Variants in BIRC6 observed in about 807,000 individuals in gnomAD.
BIRC6 encodes the protein baculoviral IAP repeat containing 6, also known as dual E2 ubiquitin-conjugating enzyme/E3 ubiquitin-protein ligase BIRC6.
In BIRC6, 98 loss-of-function variants were observed where a neutral mutation model predicts 503.3. The observed-to-expected ratio is 0.19, with a 90% CI of 0.17 to 0.23. BIRC6 has a LOEUF of 0.23. Ranked by LOEUF, BIRC6 falls within the 10% of genes least tolerant of loss-of-function variation. The pLI is 1.00. For missense variants in BIRC6, 5,360 were observed against 5,806.0 expected (o/e 0.92, Z 2.50); for synonymous variants, 2,240 against 2,078.7 (o/e 1.08, Z -2.11).
chr2:32,515,687 C>G lies in BIRC6; in HGVS notation c.11266C>G (p.Arg3756Gly), dbSNP rs367790330. The G allele has an allele frequency of 6.2e-7, 1 of 1,605,838 alleles. No individual in the cohort carries two copies. The highest frequency in any genetic ancestry group is 1.1e-5 in the South Asian group (1 of 91,090). The change falls in exon 55 of 74, where the codon CGC (arginine) becomes GGC (glycine). Residue 3756 changes from arginine to glycine, a missense_variant. Physicochemically the swap from Arg to Gly is moderately radical, Grantham distance 125. Around this residue, in one of 16 missense-constraint regions of BIRC6, gnomAD observed 878 missense variants for 928.9 expected, o/e 0.95. Coordinates refer to ENST00000421745, the MANE Select transcript of BIRC6 (RefSeq NM_016252.4). ...AATTGLTTQQ[R>G]TAIENATVAF... ...TACAACAGGACTGACTACTCAACAG[C>G]GCACAGCAATTGAGAATGCAACTGT...
In BIRC6 at chr2:32,510,534, A is replaced by T. The variant is rs1194943748; in HGVS notation, c.10246A>T (p.Ser3416Cys). The change falls in exon 53 of 74, where the codon AGT (serine) becomes TGT (cysteine). Residue 3416 changes from serine to cysteine, a missense_variant. Transcript: ENST00000421745. ...ASGSDPTDLN[S>C]PLLFGRLNGL... ...GGATTCTTTGTTGCAAGATTTGAAT[A>T]GTCCTTTACTTTTTGGAAGACTAAA... is the stretch of plus-strand genomic sequence containing the variant. The T allele has an allele frequency of 1.9e-6, 3 of 1,580,250 alleles. No individual in the cohort carries two copies. Among genetic ancestry groups the T allele is most frequent in the Admixed American group, 1.7e-5 (1 of 59,456 alleles).
At chr2:32,460,280 T>A (rs1441350588) in intron 23 of BIRC6, among the ~76,000 whole-genome samples, 244 of 74,470 alleles carry the variant, frequency 3.3e-3, no homozygotes, top group African/African-American at 8.1e-3. Context: ...ATATTTTTTT[T>A]TTTTTTTTTT....
In BIRC6 at chr2:32,505,009, A is replaced by C. The variant is rs1251266471; in HGVS notation, c.9504A>C (p.Thr3168=). ...TATGTAAAATATCTTCTCTAGGTAC[A>C]ATCACATCTAGCAGTCCTACTGCCC... ...EGIHNFAPLG[T]ITSSSPTAQP... Residue 3168 remains threonine, a synonymous_variant, in exon 50 of 74, where the codon ACA becomes ACC. Transcript: ENST00000421745. The C allele has an allele frequency of 4.3e-6, 7 of 1,612,738 alleles. No individual in the cohort carries two copies. The highest frequency in any genetic ancestry group is 2.2e-5 in the East Asian group (1 of 44,838).
intron 43 of BIRC6, among the ~76,000 whole-genome samples, chr2:32,491,204 G>A (rs1208656372): frequency 6.6e-6 from 1 of 152,116 alleles, no homozygotes; most frequent in Admixed American, 6.6e-5. Context: ...TGTACATTAA[G>A]CTCGAGGTGT....
At chr2:32,595,626 G>T (rs1375832190) in intron 68 of BIRC6, among the ~76,000 whole-genome samples, 1 of 152,128 alleles carries the variant, frequency 6.6e-6, no homozygotes, top group Non-Finnish European at 1.5e-5. Flanking sequence ...CCTTTATATG[G>T]TTCTGATTTA....
At chr2:32,565,901 C>A (rs1388754997) in intron 65 of BIRC6, 1 of 152,110 alleles carries the variant, frequency 6.6e-6, no homozygotes, top group African/African-American at 2.4e-5. Context: ...AGGTAACCAC[C>A]CCCATGATTC....
At chr2:32,602,888 G>T in intron 70 of BIRC6, 118 bp from the exon 71 acceptor site, 1 of 738,270 alleles carries the variant, frequency 1.4e-6, no homozygotes. Context: ...TTTTATCTAG[G>T]GGACATATAA....
At chr2:32,585,466 G>A (rs1162011314) in intron 66 of BIRC6, among the ~76,000 whole-genome samples, 1 of 150,876 alleles carries the variant, frequency 6.6e-6, no homozygotes, top group Non-Finnish European at 1.5e-5. Flanking sequence ...TGCAACCTCC[G>A]CCTCCCAGGT....
At position 32,508,046 on chromosome 2, in the gene BIRC6, C is replaced by T. The variant is rs1212242179; in HGVS notation, c.9767C>T (p.Pro3256Leu). ...DGVNMLPLST[P>L]VVTSGLTYIK... ...GTAAATATGCTACCTTTGTCCACTC[C>T]TGTTGTCACAAGTGGCCTCACCTAC... is the stretch of plus-strand genomic sequence containing the variant. The change falls in exon 51 of 74, where the codon CCT (proline) becomes CTT (leucine). Residue 3256 changes from proline to leucine, a missense_variant. By Grantham distance (98) the Pro-to-Leu change is moderately conservative. This residue lies in a region of BIRC6 where 62 missense variants were observed against 107.4 expected (regional missense o/e 0.58). Coordinates refer to ENST00000421745, the MANE Select transcript of BIRC6 (RefSeq NM_016252.4). 6.2e-7 allele frequency: 1 copy of T among 1,613,882 alleles called. No individual in the cohort carries two copies. Among genetic ancestry groups the T allele is most frequent in the East Asian group, 2.2e-5 (1 of 44,868 alleles).
At position 32,500,049 on chromosome 2, in the gene BIRC6, A is replaced by G; in HGVS notation, c.8971A>G (p.Met2991Val). Residue 2991 changes from methionine (M) to valine (V), a missense_variant, in exon 46 of 74, where the codon ATG (methionine) becomes GTG (valine). Around this residue, in one of 16 missense-constraint regions of BIRC6, gnomAD observed 2,299 missense variants for 2,267.2 expected, o/e 1.01. Coordinates refer to ENST00000421745, the MANE Select transcript of BIRC6 (RefSeq NM_016252.4). ...ADLVLANQQI[M>V]SQILSALGLC... Reference sequence around the variant, plus strand: ...CTTAGTCTTAGCCAACCAACAAATTATGAGCCAGATTTTGTCTGCTCTGGG... The same window carrying G: ...CTTAGTCTTAGCCAACCAACAAATTGTGAGCCAGATTTTGTCTGCTCTGGG... 2 of 1,613,938 alleles carry G rather than the reference A, an allele frequency of 1.2e-6. No individual in the cohort carries two copies. The highest frequency in any genetic ancestry group is 1.7e-6 in the Non-Finnish European group (2 of 1,179,862).
At chr2:32,485,961 A>G (rs908053466) in intron 40 of BIRC6, among the ~76,000 whole-genome samples, 1 of 152,212 alleles carries the variant, frequency 6.6e-6, no homozygotes, top group African/African-American at 2.4e-5. Flanking sequence ...GTATCATGCA[A>G]AATACTTCCA....
At chr2:32,549,202 T>G (rs1005656715) in intron 64 of BIRC6, 111 bp from the exon 65 acceptor site, 1 of 683,620 alleles carries the variant, frequency 1.5e-6, no homozygotes, top group Non-Finnish European at 2.2e-6. Flanking sequence ...TATAAGATAC[T>G]GATTAAGTAG....
chr2:32,482,867 G>A (rs2050563194), intron 39 of BIRC6, among the ~76,000 whole-genome samples: 1 of 150,982 alleles, frequency 6.6e-6, no homozygotes, highest in African/African-American at 2.4e-5. Flanking sequence ...TAGTAAACTT[G>A]TATTTTATTT....
chr2:32,470,964 G>T (rs887264814), intron 31 of BIRC6, 50 bp from the exon 32 acceptor site: 1 of 1,530,680 alleles, frequency 6.5e-7, no homozygotes, highest in Non-Finnish European at 8.8e-7. Flanking sequence ...ATCTAATTAG[G>T]AATCCTAAAG....
intron 66 of BIRC6, among the ~76,000 whole-genome samples, chr2:32,580,969 G>T (rs1255272795): frequency 6.6e-6 from 1 of 152,182 alleles, no homozygotes; most frequent in Non-Finnish European, 1.5e-5. Context: ...TAGCATAAAT[G>T]GATCTGGGAA....
intron 42 of BIRC6, among the ~76,000 whole-genome samples, chr2:32,489,233 A>G (rs1453654620): frequency 1.3e-5 from 2 of 152,054 alleles, no homozygotes; most frequent in Admixed American, 6.6e-5. Flanking sequence ...TATTTAAAGA[A>G]AAATAAAAAT....
chr2:32,397,574 C>CTGTG (rs147651911), intron 6 of BIRC6, among the ~76,000 whole-genome samples: 1,972 of 138,038 alleles, frequency 0.014, 24 homozygotes, highest in Non-Finnish European at 0.019. Flanking sequence ...CCCGTAAAGG[C>CTGTG]TGTGTGTGTG....
intron 6 of BIRC6, among the ~76,000 whole-genome samples, chr2:32,396,928 A>G (rs2039964222): frequency 6.6e-6 from 1 of 151,960 alleles, no homozygotes; most frequent in African/African-American, 2.4e-5. Context: ...GGGTTTCGCC[A>G]TGTTTGCCAG....
rs372061622 is a variant in BIRC6, at chr2:32,555,914, C to CAA, written c.13144+6451_13144+6452dup. Among the ~76,000 whole-genome samples the CAA allele has an allele frequency of 7.9e-3, 678 of 85,950 alleles. 3 individuals carry two copies. The highest frequency in any genetic ancestry group is 0.015 in the African/African-American group (339 of 23,282). The allele number at this position is 85,950 out of a possible 152,430, so 56.4% of individuals were successfully genotyped here. On this transcript the variant is annotated intron_variant, in intron 65 of 73. Coordinates refer to ENST00000421745, the MANE Select transcript of BIRC6 (RefSeq NM_016252.4). Reference sequence around the variant, plus strand: ...CTGGGTGTCAGAGTAGACCCTATCTCAAAAAAAAAAAAAAAAAAAGGTAGA... The same window carrying CAA: ...CTGGGTGTCAGAGTAGACCCTATCTCAAAAAAAAAAAAAAAAAAAAAGGTAGA...
Sources: allele counts gnomAD v4.1 joint callset (sites outside exome capture counted in the v4.1 genomes callset), GRCh38; gene constraint gnomAD v4.1.1; regional missense constraint gnomAD v4.1.1; transcripts MANE v1.5; gene names NCBI Gene and HGNC (gene_info 2026-07-23, HGNC 2026-07-21).